The following CACNA2D1 variants were observed in gnomAD, a reference collection of about 807,000 sequenced individuals.
CACNA2D1 encodes voltage-dependent calcium channel subunit alpha-2/delta-1.
A neutral mutation model predicts 171.5 loss-of-function variants in CACNA2D1; 53 were observed. The ratio of observed to expected loss-of-function variants is 0.31; its 90% CI spans 0.25 to 0.39. The LOEUF (loss-of-function observed/expected upper bound fraction) is 0.39, where lower values mean the gene tolerates loss of function less well. CACNA2D1 is among the 10% of genes least tolerant of loss of function. The pLI, the probability that CACNA2D1 is intolerant of heterozygous loss-of-function variation, is 1.00. For synonymous variants in CACNA2D1, 442 were observed against 443.1 expected (o/e 1.00, Z 0.03); for missense variants, 903 against 1,299.8 (o/e 0.69, Z 4.69).
intron 6 of CACNA2D1, among the ~76,000 whole-genome samples, chr7:82,097,655 C>T (rs189464705): frequency 3.3e-5 from 5 of 151,852 alleles, no homozygotes; most frequent in African/African-American, 1.2e-4. Context: ...CATTAAACCG[C>T]GTTGTTTAAA....
intron 1 of CACNA2D1, among the ~76,000 whole-genome samples, chr7:82,386,430 T>C (rs1824386987): frequency 6.6e-6 from 1 of 152,158 alleles, no homozygotes; most frequent in South Asian, 2.1e-4. Context: ...CATAGCCTTC[T>C]AGAGCCAAAG....
intron 4 of CACNA2D1, among the ~76,000 whole-genome samples, chr7:82,156,674 T>C (rs1794408800): frequency 6.8e-6 from 1 of 146,682 alleles, no homozygotes; most frequent in African/African-American, 2.6e-5. Flanking sequence ...GTGCATAATA[T>C]CAAGTATAAT....
chr7:82,172,188 T>A (rs1406789988), intron 3 of CACNA2D1, among the ~76,000 whole-genome samples: 1 of 151,994 alleles, frequency 6.6e-6, no homozygotes, highest in African/African-American at 2.4e-5. Context: ...TGTTAGAAAT[T>A]GTACCACATA....
chr7:82,301,730 TACAC>T (rs4018910), intron 3 of CACNA2D1, among the ~76,000 whole-genome samples: 43,366 of 142,044 alleles, frequency 0.31, 6,601 homozygotes, highest in Non-Finnish European at 0.36. Context: ...TGGTAAATAA[TACAC>T]ACACACACAC....
chr7:82,003,924 T>C (rs921008678), intron 18 of CACNA2D1, among the ~76,000 whole-genome samples: 1 of 152,076 alleles, frequency 6.6e-6, no homozygotes, highest in African/African-American at 2.4e-5. Context: ...TTTGTATTTT[T>C]AGTAGAGACA....
At chr7:82,094,417 A>G (rs949486500) in intron 6 of CACNA2D1, among the ~76,000 whole-genome samples, 1 of 152,206 alleles carries the variant, frequency 6.6e-6, no homozygotes, top group African/African-American at 2.4e-5. Context: ...GCATACATAC[A>G]TGCAGAACAT....
rs144109103 is a variant in CACNA2D1, at chr7:82,298,576, C to CT, written c.294+36558dup. On this transcript the variant is annotated intron_variant, in intron 3 of 38. Transcript: ENST00000356860. ...TTATTTTTAAAAAGAGTGCAAATGT[C>CT]TTTTTTTTTTTTTTAAGAGACAAGG... Among the ~76,000 whole-genome samples the CT allele has an allele frequency of 1.6e-3, 232 of 141,522 alleles. 2 individuals carry two copies. In the South Asian group the frequency reaches 0.029, roughly 18 times the overall value. 92.8% of individuals were successfully genotyped at this position (141,522 alleles called of 152,430 possible). A position where few individuals can be genotyped will look rare whatever the true frequency, so the allele number is the denominator to read the frequency against.
At chr7:82,389,630 G>A (rs1013647849) in intron 1 of CACNA2D1, among the ~76,000 whole-genome samples, 2 of 152,072 alleles carry the variant, frequency 1.3e-5, no homozygotes, top group South Asian at 2.1e-4. Flanking sequence ...GTACAGATTC[G>A]ATGCCTCATT....
At chr7:82,005,273 T>C in intron 18 of CACNA2D1, 150 bp downstream of exon 18, 1 of 653,922 alleles carries the variant, frequency 1.5e-6, no homozygotes, top group Non-Finnish European at 2.8e-6. Context: ...GTATCATGTG[T>C]GGTCCTTGTC....
intron 3 of CACNA2D1, among the ~76,000 whole-genome samples, chr7:82,265,117 T>C (rs554069872): frequency 5.0e-4 from 76 of 152,260 alleles, no homozygotes; most frequent in African/African-American, 1.7e-3. Flanking sequence ...TTTAGGAAAA[T>C]CGAACTGCAT....
intron 3 of CACNA2D1, among the ~76,000 whole-genome samples, chr7:82,302,705 C>T (rs1289946570): frequency 6.6e-6 from 1 of 152,228 alleles, no homozygotes; most frequent in Admixed American, 6.5e-5. Context: ...GCGTGAGCCA[C>T]TGTGCCCAGC....
At chr7:82,222,910 T>C (rs965957104) in intron 3 of CACNA2D1, among the ~76,000 whole-genome samples, 1 of 148,730 alleles carries the variant, frequency 6.7e-6, no homozygotes, top group African/African-American at 2.4e-5. Flanking sequence ...TTTTTTTTTT[T>C]TGTTTGTTTG....
At chr7:82,019,674 T>C (rs1334163040) in intron 12 of CACNA2D1, among the ~76,000 whole-genome samples, 3 of 152,134 alleles carry the variant, frequency 2.0e-5, no homozygotes, top group Non-Finnish European at 4.4e-5. Flanking sequence ...GTCAACCTAT[T>C]TTAAAAAGCC....
intron 3 of CACNA2D1, among the ~76,000 whole-genome samples, chr7:82,238,369 G>A (rs1185034022): frequency 6.6e-6 from 1 of 151,954 alleles, no homozygotes; most frequent in Admixed American, 6.6e-5. Context: ...AACACATAAT[G>A]AAGTTACTAA....
chr7:82,070,181 A>C (rs1808158382), intron 7 of CACNA2D1, among the ~76,000 whole-genome samples: 1 of 152,194 alleles, frequency 6.6e-6, no homozygotes, highest in African/African-American at 2.4e-5. Flanking sequence ...GGCTCCAATA[A>C]CCAAGTTCAG....
chr7:82,163,643 T>C (rs944754781), intron 4 of CACNA2D1, among the ~76,000 whole-genome samples: 2 of 152,048 alleles, frequency 1.3e-5, no homozygotes, highest in African/African-American at 4.8e-5. Context: ...AGGTCTCTTA[T>C]TAAAAACCTT....
intron 11 of CACNA2D1, among the ~76,000 whole-genome samples, chr7:82,034,499 T>C (rs751134697): frequency 2.0e-5 from 3 of 152,088 alleles, no homozygotes; most frequent in Non-Finnish European, 2.9e-5. Context: ...TATTAACTAA[T>C]ATAATTTGTC....
chr7:82,321,038 A>G (rs1329689811), intron 3 of CACNA2D1, among the ~76,000 whole-genome samples: 1 of 151,714 alleles, frequency 6.6e-6, no homozygotes, highest in Non-Finnish European at 1.5e-5. Context: ...CTAAAAGCAC[A>G]TTGTTGAAAA....
intron 3 of CACNA2D1, among the ~76,000 whole-genome samples, chr7:82,202,793 C>A (rs1248918218): frequency 1.3e-5 from 2 of 151,578 alleles, no homozygotes; most frequent in African/African-American, 4.9e-5. Flanking sequence ...AGGCTGTTGG[C>A]AGAACCAAGG....
Sources: allele counts gnomAD v4.1 joint callset (sites outside exome capture counted in the v4.1 genomes callset), GRCh38; gene constraint gnomAD v4.1.1; transcripts MANE v1.5; gene names NCBI Gene and HGNC (gene_info 2026-07-23, HGNC 2026-07-21).